The following SRPK2 variants were observed in gnomAD, a reference collection of about 807,000 sequenced individuals.
SRPK2 encodes the protein SFRS protein kinase 2.
SRPK2 carries 21 observed loss-of-function variants against 90.8 expected under a neutral mutation model. That is an observed-to-expected ratio of 0.23 (90% CI 0.16 to 0.33). The LOEUF (loss-of-function observed/expected upper bound fraction) is 0.33, where lower values mean the gene tolerates loss of function less well. SRPK2 is among the 10% of genes least tolerant of loss of function. The pLI, the probability that SRPK2 is intolerant of heterozygous loss-of-function variation, is 1.00. For synonymous variants in SRPK2, 288 were observed against 311.1 expected, an observed-to-expected ratio of 0.93 and a Z score of 0.78; for missense variants, 620 against 869.0, an observed-to-expected ratio of 0.71 and a Z score of 3.60.
At chr7:105,376,643 A>G (rs1205794724) in intron 2 of SRPK2, among the ~76,000 whole-genome samples, 1 of 150,808 alleles carries the variant, frequency 6.6e-6, no homozygotes, top group Non-Finnish European at 1.5e-5. Context: ...GGTTCAAGCA[A>G]TTCTCCTCCT....
At chr7:105,201,548 A>C (rs2129609557) in intron 3 of SRPK2, among the ~76,000 whole-genome samples, 1 of 151,722 alleles carries the variant, frequency 6.6e-6, no homozygotes. Flanking sequence ...TGAACAAGAC[A>C]GTTTTCACTC....
chr7:105,227,893 C>CAAAAAAAAAAAAAAAAAAAAAAA (rs566478716), intron 2 of SRPK2, among the ~76,000 whole-genome samples: 5 of 84,698 alleles, frequency 5.9e-5, no homozygotes, highest in East Asian at 3.5e-4. Context: ...TATCATTCAG[C>CAAAAAAAAAAAAAAAAAAAAAAA]AAAAAAAAAA....
chr7:105,342,730 C>G (rs1344712984), intron 2 of SRPK2, among the ~76,000 whole-genome samples: 2 of 152,154 alleles, frequency 1.3e-5, no homozygotes, highest in Non-Finnish European at 2.9e-5. Context: ...ACATGCTCTC[C>G]CTAACTTTGT....
chr7:105,354,535 G>T (rs1476098219), intron 2 of SRPK2, among the ~76,000 whole-genome samples: 2 of 152,130 alleles, frequency 1.3e-5, no homozygotes, highest in African/African-American at 4.8e-5. Flanking sequence ...AGGCAGCCTG[G>T]CACAATTTAC....
chr7:105,388,155 G>A (rs1244234985), intron 2 of SRPK2, among the ~76,000 whole-genome samples: 4 of 152,112 alleles, frequency 2.6e-5, no homozygotes, highest in African/African-American at 9.7e-5. Flanking sequence ...CGGGGGCCGG[G>A]GAGGAAGGGG....
At chr7:105,291,008 G>A (rs1412026791) in intron 2 of SRPK2, among the ~76,000 whole-genome samples, 3 of 142,036 alleles carry the variant, frequency 2.1e-5, no homozygotes, top group Middle Eastern at 3.7e-3. Context: ...ACTGCAGTCC[G>A]CAGTCCGGCC....
In SRPK2 at chr7:105,294,512, T is replaced by TTTTTG. The variant is rs10594080; in HGVS notation, c.72-90732_72-90728dup. Among the ~76,000 whole-genome samples, 814 of 149,986 alleles carry TTTTTG rather than the reference T, an allele frequency of 5.4e-3. 4 individuals carry two copies. The highest frequency in any genetic ancestry group is 8.3e-3 in the African/African-American group (338 of 40,670). On this transcript the variant is annotated intron_variant, in intron 2 of 15. Coordinates refer to ENST00000393651, the MANE Select transcript of SRPK2 (RefSeq NM_182692.3). ...ATCTTTCTTTTTTGTTGTTGCTGTT[T>TTTTTG]TTTTGTTTTGTTTTGTTTTGTTTTG...
intron 7 of SRPK2, chr7:105,160,261 AAAC>A (rs966524998): frequency 1.0e-5 from 3 of 294,922 alleles, no homozygotes; most frequent in African/African-American, 2.2e-5. Flanking sequence ...TTAAAAAAAA[AAAC>A]GACAGGCAAA....
At chr7:105,253,844 T>C (rs541405864) in intron 2 of SRPK2, among the ~76,000 whole-genome samples, 128 of 152,242 alleles carry the variant, frequency 8.4e-4, no homozygotes, top group African/African-American at 3.0e-3. Flanking sequence ...CATGAGGCCA[T>C]GGTTGAAAAG....
intron 2 of SRPK2, chr7:105,306,367 ATAAC>A (rs1811142948): frequency 5.4e-6 from 2 of 371,554 alleles, no homozygotes; most frequent in African/African-American, 4.3e-5. Context: ...AAAAGTCATA[ATAAC>A]TGTGAATTAT....
chr7:105,330,777 T>G (rs1814213178), intron 2 of SRPK2, among the ~76,000 whole-genome samples: 1 of 151,878 alleles, frequency 6.6e-6, no homozygotes, highest in African/African-American at 2.4e-5. Flanking sequence ...GCCAGAAGTT[T>G]GAAACCAGCC....
chr7:105,245,071 ACAC>A (rs1263578211), intron 2 of SRPK2: 1 of 575,420 alleles, frequency 1.7e-6, no homozygotes, highest in African/African-American at 2.0e-5. Flanking sequence ...ACACACACAC[ACAC>A]CTCTTTTTCT....
chr7:105,354,931 A>G (rs1817615109), intron 2 of SRPK2, among the ~76,000 whole-genome samples: 1 of 152,082 alleles, frequency 6.6e-6, no homozygotes, highest in Non-Finnish European at 1.5e-5. Context: ...GTAACCATAA[A>G]TCTACTTTCT....
chr7:105,380,550 G>A (rs1223194590), intron 2 of SRPK2, among the ~76,000 whole-genome samples: 1 of 137,956 alleles, frequency 7.2e-6, no homozygotes, highest in Non-Finnish European at 1.5e-5. Context: ...TTGAGATGGA[G>A]TCTCGCTCTG....
chr7:105,129,932 T>C (rs535004285), intron 13 of SRPK2, among the ~76,000 whole-genome samples: 1 of 152,300 alleles, frequency 6.6e-6, no homozygotes, highest in African/African-American at 2.4e-5. Flanking sequence ...CTTGTTTCTA[T>C]GGCACTGACC....
intron 3 of SRPK2, among the ~76,000 whole-genome samples, chr7:105,170,886 AG>A (rs1392080153): frequency 1.7e-5 from 2 of 119,210 alleles, no homozygotes; most frequent in African/African-American, 3.0e-5. Context: ...AAAGAAAGAA[AG>A]AAAGAAAGAA....
At chr7:105,241,297 A>G (rs1193134746) in intron 2 of SRPK2, among the ~76,000 whole-genome samples, 1 of 152,216 alleles carries the variant, frequency 6.6e-6, no homozygotes, top group Non-Finnish European at 1.5e-5. Flanking sequence ...TTTCAGTTAA[A>G]GCTCAAAATG....
chr7:105,251,265 A>G (rs1333192396), intron 2 of SRPK2, among the ~76,000 whole-genome samples: 3 of 152,220 alleles, frequency 2.0e-5, no homozygotes, highest in Non-Finnish European at 4.4e-5. Context: ...GGTGTTTCTT[A>G]TATCACAGGC....
At chr7:105,138,869 G>A (rs758273566) in intron 11 of SRPK2, among the ~76,000 whole-genome samples, 3 of 152,178 alleles carry the variant, frequency 2.0e-5, no homozygotes, top group Non-Finnish European at 4.4e-5. Context: ...AATGGAGGAC[G>A]TTCTAATTCA....
Sources: allele counts gnomAD v4.1 joint callset (sites outside exome capture counted in the v4.1 genomes callset), GRCh38; gene constraint gnomAD v4.1.1; transcripts MANE v1.5; gene names NCBI Gene and HGNC (gene_info 2026-07-23, HGNC 2026-07-21).